ERC1: variants seen among roughly 807,000 people sequenced by gnomAD.
The protein encoded by ERC1 is RAB6 interacting protein 2.
Under a neutral mutation model 132.0 loss-of-function variants are expected in ERC1, and 56 were observed. The observed-to-expected ratio is 0.42, with a 90% CI of 0.34 to 0.53. The LOEUF (loss-of-function observed/expected upper bound fraction) is 0.53, where lower values mean the gene tolerates loss of function less well. Ranked by LOEUF, ERC1 falls within the 20% of genes least tolerant of loss-of-function variation. The pLI is 0.03. For missense variants in ERC1, 1,202 were observed against 1,349.9 expected (o/e 0.89, Z 1.72); for synonymous variants, 478 against 476.1 (o/e 1.00, Z -0.05).
chr12:1,424,828 TAGATAGATAGATAGATGATA>T (rs1335782392), intron 17 of ERC1, among the ~76,000 whole-genome samples: 55 of 138,192 alleles, frequency 4.0e-4, no homozygotes, highest in South Asian at 2.2e-3. Flanking sequence ...GATAGATAGA[TAGATAGATAGATAGATGATA>T]GATAGATAGA....
chr12:1,297,916 C>T (rs2080090497), intron 15 of ERC1, among the ~76,000 whole-genome samples: 1 of 152,016 alleles, frequency 6.6e-6, no homozygotes, highest in Admixed American at 6.5e-5. Context: ...AAGGTTCTTA[C>T]GTTCGTGAAG....
chr12:1,115,000 T>C (rs1946296945), intron 6 of ERC1, among the ~76,000 whole-genome samples: 1 of 152,202 alleles, frequency 6.6e-6, no homozygotes, highest in Non-Finnish European at 1.5e-5. Flanking sequence ...TTTAGATACA[T>C]TCAAGTTTTT....
chr12:1,380,940 A>G (rs2088579289), intron 16 of ERC1: 1 of 152,274 alleles, frequency 6.6e-6, no homozygotes, highest in Non-Finnish European at 1.5e-5. Flanking sequence ...TGTGGAAAGT[A>G]AAATGTTGTA....
At chr12:1,153,709 G>A (rs73593919) in intron 8 of ERC1, among the ~76,000 whole-genome samples, 6,490 of 152,240 alleles carry the variant, frequency 0.043, 442 homozygotes, top group African/African-American at 0.15. Flanking sequence ...TTTGCCAAGC[G>A]GGGCAGGTGT....
intron 1 of ERC1, among the ~76,000 whole-genome samples, chr12:995,963 A>G (rs1024383561): frequency 1.3e-5 from 2 of 152,210 alleles, no homozygotes; most frequent in African/African-American, 4.8e-5. Context: ...AAGTTGTGTC[A>G]GAATGTTGAG....
chr12:1,157,916 T>C (rs772872955), intron 8 of ERC1, among the ~76,000 whole-genome samples: 12 of 152,200 alleles, frequency 7.9e-5, no homozygotes, highest in Non-Finnish European at 1.8e-4. Flanking sequence ...GCAGATACTC[T>C]AAGGAGTCAA....
chr12:1,063,269 T>G (rs889286176), intron 2 of ERC1, among the ~76,000 whole-genome samples: 1 of 151,380 alleles, frequency 6.6e-6, no homozygotes, highest in Non-Finnish European at 1.5e-5. Context: ...TATTTATTTA[T>G]TTAGTTTTTG....
Position 1,493,548 on chromosome 12 carries a change from A to AAAAAAAAAATATATATATATATAT in ERC1, c.*3319_*3320insAAAAAAAATATATATATATATATA, listed in dbSNP as rs56939346. On this transcript the variant is annotated 3_prime_UTR_variant, in exon 19 of 19. Coordinates refer to ENST00000360905, the MANE Select transcript of ERC1 (RefSeq NM_178040.4). ...ACTCCATTTAAAAAAAAAAAAAAAA[A>AAAAAAAAAATATATATATATATAT]ATATATATATATATATATATATATA... is the stretch of plus-strand genomic sequence containing the variant. 1 of 13,622 alleles carries AAAAAAAAAATATATATATATATAT rather than the reference A, an allele frequency of 7.3e-5. No homozygotes were observed. The highest frequency in any genetic ancestry group is 1.5e-4 in the Non-Finnish European group (1 of 6,822). 0.8% of individuals were successfully genotyped at this position (13,622 alleles called of 1,614,324 possible). A position where few individuals can be genotyped will look rare whatever the true frequency, so the allele number is the denominator to read the frequency against.
At chr12:1,310,487 G>A (rs1399389808) in intron 15 of ERC1, among the ~76,000 whole-genome samples, 1 of 152,150 alleles carries the variant, frequency 6.6e-6, no homozygotes, top group Non-Finnish European at 1.5e-5. Context: ...GGAATTACAG[G>A]CAGGAGCCAC....
intron 18 of ERC1, among the ~76,000 whole-genome samples, chr12:1,484,655 G>C (rs935456969): frequency 5.4e-5 from 8 of 148,350 alleles, no homozygotes; most frequent in African/African-American, 2.0e-4. Context: ...TCGGCTCACT[G>C]TAAGCTCCGC....
chr12:1,201,825 A>G (rs1956942056), intron 12 of ERC1, among the ~76,000 whole-genome samples: 1 of 152,206 alleles, frequency 6.6e-6, no homozygotes, highest in Non-Finnish European at 1.5e-5. Context: ...TTAGAGAAAA[A>G]TATTCTTACT....
intron 2 of ERC1, among the ~76,000 whole-genome samples, chr12:1,067,599 G>A (rs1052071095): frequency 6.6e-5 from 10 of 152,162 alleles, no homozygotes; most frequent in African/African-American, 2.4e-4. Flanking sequence ...GAGTGCTCAG[G>A]GGTGTGCCCC....
intron 2 of ERC1, among the ~76,000 whole-genome samples, chr12:1,080,622 G>A (rs1040365316): frequency 2.6e-5 from 4 of 152,134 alleles, no homozygotes; most frequent in African/African-American, 9.7e-5. Flanking sequence ...TGCTATTCTC[G>A]TGATAGTGAG....
chr12:1,172,742 T>C (rs1303625621), intron 8 of ERC1, among the ~76,000 whole-genome samples: 2 of 150,200 alleles, frequency 1.3e-5, no homozygotes, highest in Non-Finnish European at 2.9e-5. Flanking sequence ...ATGTATCCTT[T>C]TCTGTAACAA....
chr12:1,426,102 A>AT (rs200517286), intron 17 of ERC1, among the ~76,000 whole-genome samples: 3,674 of 138,716 alleles, frequency 0.026, 51 homozygotes, highest in South Asian at 0.053. Flanking sequence ...GAGTTTTTAG[A>AT]TTTTTTTTTT....
intron 3 of ERC1, among the ~76,000 whole-genome samples, chr12:1,096,028 C>T (rs1286529998): frequency 6.6e-6 from 1 of 151,604 alleles, no homozygotes; most frequent in Admixed American, 6.6e-5. Flanking sequence ...CAGGCTCAAG[C>T]AGTCCTCCTG....
chr12:1,411,990 G>A (rs758668086), intron 17 of ERC1, among the ~76,000 whole-genome samples: 28 of 151,990 alleles, frequency 1.8e-4, no homozygotes, highest in Non-Finnish European at 3.8e-4. Flanking sequence ...TCCAATTATC[G>A]CACTATTGAG....
intron 11 of ERC1, among the ~76,000 whole-genome samples, chr12:1,187,669 G>A (rs749755259): frequency 7.2e-5 from 11 of 151,742 alleles, no homozygotes; most frequent in Non-Finnish European, 1.5e-4. Flanking sequence ...TTTTCCTACC[G>A]TTTAGGCCTA....
At chr12:1,436,810 C>T (rs756551402) in intron 17 of ERC1, among the ~76,000 whole-genome samples, 1 of 152,168 alleles carries the variant, frequency 6.6e-6, no homozygotes, top group African/African-American at 2.4e-5. Flanking sequence ...CCTTTGAAAT[C>T]CAGCGTCAGT....
Sources: allele counts gnomAD v4.1 joint callset (sites outside exome capture counted in the v4.1 genomes callset), GRCh38; gene constraint gnomAD v4.1.1; transcripts MANE v1.5; gene names NCBI Gene and HGNC (gene_info 2026-07-23, HGNC 2026-07-21).